TLN2: variants seen among roughly 807,000 people sequenced by gnomAD.
TLN2 encodes the protein talin 2.
Under a neutral mutation model 294.7 loss-of-function variants are expected in TLN2, and 118 were observed. That is an observed-to-expected ratio of 0.40 (90% CI 0.34 to 0.47). TLN2 has a LOEUF of 0.47. Ranked by LOEUF, TLN2 falls within the 20% of genes least tolerant of loss-of-function variation. The probability of loss-of-function intolerance (pLI) is 0.84; values close to 1 mark genes in which losing one functional copy is unlikely to be tolerated. For missense variants in TLN2, 3,083 were observed against 3,282.2 expected (o/e 0.94, Z 1.48); for synonymous variants, 1,431 against 1,304.5 (o/e 1.10, Z -2.09).
intron 50 of TLN2, among the ~76,000 whole-genome samples, 159 bp downstream of exon 50, chr15:62,800,928 C>T (rs2065889537): frequency 6.6e-6 from 1 of 152,090 alleles, no homozygotes; most frequent in Admixed American, 6.5e-5. Context: ...AATTGAGACC[C>T]CATGTGTCAC....
chr15:62,749,589 G>A (rs2061806705), intron 33 of TLN2, among the ~76,000 whole-genome samples: 1 of 152,168 alleles, frequency 6.6e-6, no homozygotes, highest in African/African-American at 2.4e-5. Flanking sequence ...TAACAGCTCA[G>A]CAGTTCCCCT....
At chr15:62,683,367 G>T (rs1204410745) in intron 11 of TLN2, among the ~76,000 whole-genome samples, 1 of 152,164 alleles carries the variant, frequency 6.6e-6, no homozygotes, top group African/African-American at 2.4e-5. Context: ...GCTGAAATAC[G>T]TTTGAAAGAG....
chr15:62,783,693 T>C (rs1350354847), intron 44 of TLN2, 78 bp from the exon 45 acceptor site: 2 of 1,484,182 alleles, frequency 1.3e-6, no homozygotes, highest in Non-Finnish European at 1.8e-6. Context: ...TCCAGTGATA[T>C]TAACACATGG....
At position 62,841,804 on chromosome 15, in the gene TLN2, G is replaced by C. The variant is rs1208890370; in HGVS notation, c.*1194G>C. On this transcript the variant is annotated 3_prime_UTR_variant, in exon 59 of 59. Coordinates refer to ENST00000636159, the MANE Select transcript of TLN2 (RefSeq NM_015059.3). ...AAGGGCTTGAATTTACCCTTAATCT[G>C]CACCTTTAGCCAAGGCAGTGCATGG... is the stretch of plus-strand genomic sequence containing the variant. 2 of 152,052 alleles carry C rather than the reference G, an allele frequency of 1.3e-5. No homozygotes were observed. The highest frequency in any genetic ancestry group is 2.9e-5 in the Non-Finnish European group (2 of 68,024). The allele number at this position is 152,052 out of a possible 1,614,324, so 9.4% of individuals were successfully genotyped here.
At position 62,618,410 on chromosome 15, in the gene TLN2, G is replaced by C. The variant is rs796837298; in HGVS notation, c.-102G>C. ...ACCCTGAGTTGATTCCTGAAACTTC[G>C]GACCCCTGGGTATTAACAGAGGACT... On this transcript the variant is annotated 5_prime_UTR_variant, in exon 3 of 59. Transcript: ENST00000636159. 1 of 152,116 alleles carries C rather than the reference G, an allele frequency of 6.6e-6. No homozygotes were observed. The highest frequency in any genetic ancestry group is 1.5e-5 in the Non-Finnish European group (1 of 68,026). 9.4% of individuals were successfully genotyped at this position (152,116 alleles called of 1,614,324 possible).
Position 62,819,610 on chromosome 15 carries a change from A to G in TLN2, c.6866A>G (p.Glu2289Gly). The change falls in exon 53 of 59, where the codon GAA (glutamate) becomes GGA (glycine). Residue 2289 changes from glutamate to glycine, a missense_variant. By Grantham distance (98) the Glu-to-Gly change is moderately conservative. Transcript: ENST00000636159. ...GAVTELIQAA[E>G]AMKGTEWVDP... Reference sequence around the variant, plus strand: ...GTGACAGAGCTCATCCAGGCGGCGGAAGCCATGAAAGGTAGGCTGGATTCT... The same window carrying G: ...GTGACAGAGCTCATCCAGGCGGCGGGAGCCATGAAAGGTAGGCTGGATTCT... The G allele has an allele frequency of 6.2e-7, 1 of 1,610,506 alleles. No homozygotes were observed. The highest frequency in any genetic ancestry group is 8.5e-7 in the Non-Finnish European group (1 of 1,179,962).
rs753232298 is a variant in TLN2, at chr15:62,450,976, C to CTT, written c.-238+60303_-238+60304dup. 8.7e-3 allele frequency among the ~76,000 whole-genome samples: 1,216 copies of CTT among 138,996 alleles called. 14 individuals carry two copies. Among genetic ancestry groups the CTT allele is most frequent in the African/African-American group, 0.022 (846 of 37,922 alleles). 91.2% of individuals were successfully genotyped at this position (138,996 alleles called of 152,430 possible). On this transcript the variant is annotated intron_variant, in intron 1 of 58. Coordinates refer to ENST00000636159, the MANE Select transcript of TLN2 (RefSeq NM_015059.3). ...TTTACAGTTGCCTGGAGTTCTCTCT[C>CTT]TTTTTTTTTTTTTGGTAGAGATGAG...
intron 1 of TLN2, among the ~76,000 whole-genome samples, chr15:62,559,367 C>G (rs1458154560): frequency 6.6e-6 from 1 of 152,170 alleles, no homozygotes; most frequent in Non-Finnish European, 1.5e-5. Context: ...GGTAAGGAAG[C>G]CTTGTTTCAT....
intron 1 of TLN2, among the ~76,000 whole-genome samples, chr15:62,423,481 G>A (rs542029863): frequency 2.8e-4 from 42 of 152,316 alleles, no homozygotes; most frequent in African/African-American, 9.6e-4. Context: ...TATAGCAGGT[G>A]TCTTGCAAAT....
intron 1 of TLN2, among the ~76,000 whole-genome samples, chr15:62,561,023 A>G (rs945786671): frequency 6.6e-6 from 1 of 152,252 alleles, no homozygotes; most frequent in Non-Finnish European, 1.5e-5. Context: ...TCCTCTACAC[A>G]GAAGGAAAGG....
At chr15:62,811,885 G>T (rs1456884711) in intron 52 of TLN2, among the ~76,000 whole-genome samples, 1 of 151,954 alleles carries the variant, frequency 6.6e-6, no homozygotes, top group African/African-American at 2.4e-5. Flanking sequence ...GGTGGTGGGT[G>T]CCTGTAATCC....
At chr15:62,429,651 G>A (rs2034908937) in intron 1 of TLN2, among the ~76,000 whole-genome samples, 1 of 152,152 alleles carries the variant, frequency 6.6e-6, no homozygotes, top group African/African-American at 2.4e-5. Context: ...GTTAATTTTG[G>A]GGGTGGGAAC....
chr15:62,407,899 A>G (rs1566948272), intron 1 of TLN2, among the ~76,000 whole-genome samples: 1 of 151,788 alleles, frequency 6.6e-6, no homozygotes, highest in Non-Finnish European at 1.5e-5. Context: ...TGGACAACAG[A>G]GTGAGAGAGT....
At chr15:62,595,600 T>A (rs1218976058) in intron 2 of TLN2, among the ~76,000 whole-genome samples, 1 of 152,184 alleles carries the variant, frequency 6.6e-6, no homozygotes, top group African/African-American at 2.4e-5. Flanking sequence ...GTCGAAGAGA[T>A]GTCTGCACTC....
chr15:62,676,431 C>G lies in TLN2; in HGVS notation c.957+1110C>G, dbSNP rs368645675. Among the ~76,000 whole-genome samples the G allele has an allele frequency of 2.6e-4, 40 of 152,290 alleles. No individual in the cohort carries two copies. The South Asian group carries it at 7.5e-3, about 28-fold the overall frequency. ...AAGAAAAATAATTGAGAGGTCGAATCTTTTACATTTAGTGGCAGTTTTAAA... is the reference window on the plus strand; with the variant it reads ...AAGAAAAATAATTGAGAGGTCGAATGTTTTACATTTAGTGGCAGTTTTAAA... On this transcript the variant is annotated intron_variant, in intron 11 of 58. Transcript: ENST00000636159.
intron 14 of TLN2, among the ~76,000 whole-genome samples, chr15:62,696,234 C>T (rs905673904): frequency 2.6e-5 from 4 of 152,184 alleles, no homozygotes; most frequent in Admixed American, 2.0e-4. Flanking sequence ...GACAGAGGTC[C>T]CTGTCTCTTC....
chr15:62,462,287 A>G (rs1331776686), intron 1 of TLN2, among the ~76,000 whole-genome samples: 53 of 152,160 alleles, frequency 3.5e-4, no homozygotes, highest in Non-Finnish European at 1.5e-4. Flanking sequence ...AATAAACTAA[A>G]TGATGGAAGA....
chr15:62,677,714 CTCTT>C (rs1488820613), intron 11 of TLN2, among the ~76,000 whole-genome samples: 4 of 151,168 alleles, frequency 2.6e-5, no homozygotes, highest in African/African-American at 9.7e-5. Flanking sequence ...TCCCTTTCCT[CTCTT>C]TCTTTCCCTT....
intron 28 of TLN2, among the ~76,000 whole-genome samples, chr15:62,727,822 G>T (rs1398589725): frequency 6.6e-6 from 1 of 152,230 alleles, no homozygotes; most frequent in East Asian, 1.9e-4. Flanking sequence ...AGAGGTTTCA[G>T]TATGAGCACA....
Sources: allele counts gnomAD v4.1 joint callset (sites outside exome capture counted in the v4.1 genomes callset), GRCh38; gene constraint gnomAD v4.1.1; transcripts MANE v1.5; gene names NCBI Gene and HGNC (gene_info 2026-07-23, HGNC 2026-07-21).